The following FBXO36 variants were observed in gnomAD, a reference collection of about 807,000 sequenced individuals.
The protein encoded by FBXO36 is F-box only protein 36.
A neutral mutation model predicts 17.0 loss-of-function variants in FBXO36; 18 were observed. The ratio of observed to expected loss-of-function variants is 1.06; its 90% CI spans 0.73 to 1.57. The LOEUF (loss-of-function observed/expected upper bound fraction) is 1.57. Among genes scored for constraint, FBXO36 ranks in the 40% most tolerant of loss-of-function variants. FBXO36 has a pLI of 0.00. For missense variants in FBXO36, 229 were observed against 221.9 expected (o/e 1.03, Z -0.20); for synonymous variants, 83 against 85.3 (o/e 0.97, Z 0.15).
At chr2:229,988,505 CTT>C (rs2077280512) in intron 2 of FBXO36, among the ~76,000 whole-genome samples, 4 of 151,992 alleles carry the variant, frequency 2.6e-5, no homozygotes, top group African/African-American at 9.7e-5. Context: ...TGGAGATATT[CTT>C]TGTTTTGTTT....
chr2:229,956,830 G>A (rs1354992242), intron 1 of FBXO36, among the ~76,000 whole-genome samples: 2 of 152,154 alleles, frequency 1.3e-5, no homozygotes, highest in Non-Finnish European at 2.9e-5. Flanking sequence ...AAAGCACTCA[G>A]CGCCAAACCT....
intron 1 of FBXO36, among the ~76,000 whole-genome samples, chr2:229,965,629 GT>G (rs1553807373): frequency 1.3e-5 from 2 of 151,196 alleles, no homozygotes; most frequent in African/African-American, 2.4e-5. Context: ...GCGGTGTTTG[GT>G]TTTTTTGTCC....
intron 1 of FBXO36, among the ~76,000 whole-genome samples, chr2:229,938,753 A>C (rs1186571351): frequency 1.2e-4 from 11 of 93,088 alleles, no homozygotes; most frequent in Admixed American, 3.8e-4. Context: ...CCCCCAAAAA[A>C]CCTTTTTTTT....
intron 1 of FBXO36, chr2:229,945,083 G>C (rs944611901): frequency 2.0e-5 from 3 of 152,106 alleles, no homozygotes; most frequent in Admixed American, 6.5e-5. Flanking sequence ...TGACTATTCT[G>C]TTTTAGATGT....
At chr2:229,942,494 G>C (rs1304887290) in intron 1 of FBXO36, among the ~76,000 whole-genome samples, 1 of 152,182 alleles carries the variant, frequency 6.6e-6, no homozygotes. Flanking sequence ...AATTCATGGA[G>C]ATCACCATGA....
intron 1 of FBXO36, among the ~76,000 whole-genome samples, chr2:229,966,652 T>G (rs1032712701): frequency 5.9e-5 from 9 of 152,294 alleles, no homozygotes; most frequent in South Asian, 2.1e-4. Context: ...TTTCCCCATT[T>G]CTTGTTTTTG....
intron 1 of FBXO36, 147 bp downstream of exon 1, chr2:229,922,756 A>C (rs1577312523): frequency 1.3e-6 from 1 of 764,702 alleles, no homozygotes; most frequent in Non-Finnish European, 2.1e-6. Context: ...TTTCCTCGTC[A>C]CCTCGGCCTC....
chr2:229,947,339 G>A (rs1336962799), intron 1 of FBXO36, among the ~76,000 whole-genome samples: 1 of 152,186 alleles, frequency 6.6e-6, no homozygotes, highest in African/African-American at 2.4e-5. Context: ...AGGCAGGAGG[G>A]ATTCATTTTA....
intron 1 of FBXO36, among the ~76,000 whole-genome samples, chr2:229,940,549 A>T (rs1380576375): frequency 6.6e-6 from 1 of 152,162 alleles, no homozygotes; most frequent in Non-Finnish European, 1.5e-5. Context: ...AGTACCACAG[A>T]CTGTGACCTT....
intron 2 of FBXO36, among the ~76,000 whole-genome samples, chr2:229,990,095 C>G (rs1177380999): frequency 6.6e-6 from 1 of 151,818 alleles, no homozygotes; most frequent in Non-Finnish European, 1.5e-5. Context: ...CCTTTCTGTT[C>G]CTCATTTCCT....
At chr2:230,000,735 C>A (rs573136386) in intron 3 of FBXO36, among the ~76,000 whole-genome samples, 1 of 151,952 alleles carries the variant, frequency 6.6e-6, no homozygotes, top group South Asian at 2.1e-4. Flanking sequence ...TGAAGTAGGT[C>A]TTCTCTAGGT....
intron 1 of FBXO36, among the ~76,000 whole-genome samples, chr2:229,958,912 G>C (rs2077106285): frequency 2.0e-5 from 3 of 152,134 alleles, no homozygotes; most frequent in African/African-American, 4.8e-5. Flanking sequence ...TTGTGACCAA[G>C]GCATTATTAT....
At chr2:229,990,871 T>A (rs1005139165) in intron 2 of FBXO36, among the ~76,000 whole-genome samples, 15 of 152,198 alleles carry the variant, frequency 9.9e-5, no homozygotes, top group Non-Finnish European at 1.9e-4. Flanking sequence ...TAGTTAAGGT[T>A]TCCTTTTCTT....
At position 229,976,369 on chromosome 2, in the gene FBXO36, A is replaced by G. The variant is rs1453505833; in HGVS notation, c.205+20A>G. 1.3e-6 allele frequency: 2 copies of G among 1,505,978 alleles called. No individual in the cohort carries two copies. Among genetic ancestry groups the G allele is most frequent in the African/African-American group, 2.7e-5 (2 of 72,760 alleles). The allele number at this position is 1,505,978 out of a possible 1,614,324, so 93.3% of individuals were successfully genotyped here. ...TTCAAGGTAAGGAACGGAACATATT[A>G]TATACCCCTGTTAAGTTCTCATTAG... On this transcript the variant is annotated intron_variant, in intron 2 of 3. Coordinates refer to ENST00000283946, the MANE Select transcript of FBXO36 (RefSeq NM_174899.5).
At chr2:229,927,142 G>A (rs2106151359) in intron 1 of FBXO36, among the ~76,000 whole-genome samples, 2 of 152,332 alleles carry the variant, frequency 1.3e-5, no homozygotes, top group South Asian at 4.1e-4. Flanking sequence ...TTACAGGGGT[G>A]AGACACCAAA....
chr2:229,934,936 C>G (rs912993350), intron 1 of FBXO36, among the ~76,000 whole-genome samples: 3 of 152,208 alleles, frequency 2.0e-5, no homozygotes, highest in African/African-American at 7.2e-5. Context: ...TGCGCTCAGC[C>G]TTTCCTTTGG....
chr2:229,995,578 CTTTCTCTT>C (rs200612521), intron 2 of FBXO36, among the ~76,000 whole-genome samples: 11 of 111,524 alleles, frequency 9.9e-5, no homozygotes, highest in Non-Finnish European at 2.0e-4. Context: ...TTCTTTCTTT[CTTTCTCTT>C]TCTTTCTTTC....
At chr2:229,932,734 G>GAGTTTTGT (rs2076945160) in intron 1 of FBXO36, 1 of 158,942 alleles carries the variant, frequency 6.3e-6, no homozygotes, top group African/African-American at 2.4e-5. Context: ...AAAAGCACTG[G>GAGTTTTGT]AGTTTTGTTT....
rs529177623 is a variant in FBXO36 at position 229,972,517 on chromosome 2, G to C, written c.97-3724G>C. Among the ~76,000 whole-genome samples the C allele has an allele frequency of 1.6e-4, 24 of 152,120 alleles. No homozygotes were observed. The South Asian group carries it at 2.7e-3, about 17-fold the overall frequency. ...TTTATCACTATAAATATGAAGGACT[G>C]ACCAGTAAGTGACCAGCAAGTGAAC... On this transcript the variant is annotated intron_variant, in intron 1 of 3. Transcript: ENST00000283946.
Sources: gnomAD v4.1 joint callset for allele counts (sites outside exome capture counted in the v4.1 genomes callset) on GRCh38, gnomAD v4.1.1 for gene constraint, MANE v1.5 for transcripts, NCBI Gene and HGNC (gene_info 2026-07-23, HGNC 2026-07-21) for gene names.